Variants in NTF3 observed in about 807,000 individuals in gnomAD.
The protein encoded by NTF3 is neurotrophin-3.
A neutral mutation model predicts 26.3 loss-of-function variants in NTF3; 8 were observed. The observed-to-expected ratio is 0.30, with a 90% confidence interval of 0.18 to 0.55. NTF3 has a LOEUF of 0.55. NTF3 is among the 20% of genes least tolerant of loss of function. The pLI, the probability that NTF3 is intolerant of heterozygous loss-of-function variation, is 0.93. For synonymous variants in NTF3, 154 were observed against 145.5 expected, an observed-to-expected ratio of 1.06 and a Z score of -0.42; for missense variants, 276 against 352.9, an observed-to-expected ratio of 0.78 and a Z score of 1.75.
upstream of NTF3, among the ~76,000 whole-genome samples, chr12:5,431,566 G>T (rs1026080960): frequency 2.0e-5 from 3 of 152,044 alleles, no homozygotes; most frequent in South Asian, 6.2e-4. Context: ...GGAGTGGCGG[G>T]TGGGCTTGGT....
At chr12:5,466,255 G>A (rs762091477) in intron 1 of NTF3, among the ~76,000 whole-genome samples, 3 of 152,136 alleles carry the variant, frequency 2.0e-5, no homozygotes, top group Non-Finnish European at 4.4e-5. Flanking sequence ...TTCCTAAACG[G>A]CTAACCCAAG....
intron 1 of NTF3, among the ~76,000 whole-genome samples, chr12:5,432,592 C>G (rs1940108711): frequency 6.6e-6 from 1 of 151,134 alleles, no homozygotes; most frequent in South Asian, 2.1e-4. Context: ...CACACACACA[C>G]ACACACACAC....
intron 1 of NTF3, among the ~76,000 whole-genome samples, chr12:5,473,571 T>C (rs551650924): frequency 2.0e-5 from 3 of 152,330 alleles, no homozygotes; most frequent in African/African-American, 7.2e-5. Context: ...GCTGATAGTA[T>C]GTTAGAGCTG....
In NTF3 at chr12:5,494,760, C is replaced by T. The variant is rs117869475; in HGVS notation, c.585C>T (p.Gly195=). Residue 195 remains glycine (G), a synonymous_variant, in exon 2 of 2, where the codon GGC becomes GGT. Transcript: ENST00000423158. The surrounding 1 kb of genome is among the most constrained non-coding windows in gnomAD (Gnocchi z 8.3). ...QVTVLGEIKT[G]NSPVKQYFYE... Reference sequence around the variant, plus strand: ...CGGTGCTGGGGGAGATCAAAACGGGCAACTCTCCCGTCAAACAATATTTTT... The same window carrying T: ...CGGTGCTGGGGGAGATCAAAACGGGTAACTCTCCCGTCAAACAATATTTTT... 1.0e-4 allele frequency: 161 copies of T among 1,614,174 alleles called. No homozygotes were observed. In the East Asian group the frequency reaches 3.1e-3, roughly 31 times the overall value.
At chr12:5,463,320 A>C (rs1169472745) in intron 1 of NTF3, among the ~76,000 whole-genome samples, 2 of 152,242 alleles carry the variant, frequency 1.3e-5, no homozygotes, top group Non-Finnish European at 2.9e-5. Flanking sequence ...AACAGTATAA[A>C]CATAATCTCT....
chr12:5,475,514 G>A (rs1230217858), intron 1 of NTF3, among the ~76,000 whole-genome samples: 1 of 152,086 alleles, frequency 6.6e-6, no homozygotes, highest in South Asian at 2.1e-4. Flanking sequence ...TACAGAGGAA[G>A]GAAAACCTTT....
chr12:5,480,364 G>A (rs1052460649), intron 1 of NTF3, among the ~76,000 whole-genome samples: 2 of 152,118 alleles, frequency 1.3e-5, no homozygotes, highest in African/African-American at 4.8e-5. Context: ...GGGGAGCTGG[G>A]TGGGAAAGGA....
Position 5,494,404 on chromosome 12 carries a change from C to T in NTF3, c.229C>T (p.Pro77Ser), listed in dbSNP as rs1940977497. The T allele has an allele frequency of 1.2e-6, 2 of 1,613,636 alleles. No individual in the cohort carries two copies. Among genetic ancestry groups the T allele is most frequent in the Non-Finnish European group, 8.5e-7 (1 of 1,180,012 alleles). Residue 77 changes from proline to serine, a missense_variant, in exon 2 of 2, where the codon CCC becomes TCC. Pro to Ser is a moderately conservative substitution (Grantham distance 74, BLOSUM62 -1). Around this residue, in one of 3 missense-constraint regions of NTF3, gnomAD observed 221 missense variants for 258.2 expected, o/e 0.86. Coordinates refer to ENST00000423158, the MANE Select transcript of NTF3 (RefSeq NM_001102654.2). The surrounding 1 kb of genome is among the most constrained non-coding windows in gnomAD (Gnocchi z 8.3). ...DVKENYQSTL[P>S]KAEAPREPER... ...TAAGGAAAATTACCAGAGCACCCTG[C>T]CCAAAGCTGAGGCTCCCCGAGAGCC...
At position 5,495,167 on chromosome 12, in the gene NTF3, C is replaced by A; in HGVS notation, c.*179C>A. 2 of 665,272 alleles carry A rather than the reference C, an allele frequency of 3.0e-6. No individual in the cohort carries two copies. The highest frequency in any genetic ancestry group is 2.9e-5 in the East Asian group (1 of 34,516). 41.2% of individuals were successfully genotyped at this position (665,272 alleles called of 1,614,324 possible). ...ATCAGTGTGCTTGCCTTCCCTCAGGCCTCTCCCATCTGTTAAAACTTGTTT... is the reference window on the plus strand; with the variant it reads ...ATCAGTGTGCTTGCCTTCCCTCAGGACTCTCCCATCTGTTAAAACTTGTTT... On this transcript the variant is annotated 3_prime_UTR_variant, in exon 2 of 2. Transcript: ENST00000423158.
At chr12:5,479,191 G>C (rs946759228) in intron 1 of NTF3, among the ~76,000 whole-genome samples, 1 of 152,242 alleles carries the variant, frequency 6.6e-6, no homozygotes, top group African/African-American at 2.4e-5. Flanking sequence ...ATTTGCCGGA[G>C]AGAGGAGATA....
Position 5,493,036 on chromosome 12 carries a change from C to T in NTF3, c.19-1158C>T, listed in dbSNP as rs1940958342. Among the ~76,000 whole-genome samples the T allele has an allele frequency of 2.0e-5, 3 of 152,086 alleles. No individual in the cohort carries two copies. The South Asian group carries it at 6.2e-4, about 32-fold the overall frequency. On this transcript the variant is annotated intron_variant, in intron 1 of 1. Coordinates refer to ENST00000423158, the MANE Select transcript of NTF3 (RefSeq NM_001102654.2). ...CCCCTGGGAGCCAGTGAGGTGGCAG[C>T]GATGGTGATTAAGGAGTGAATATCT...
At chr12:5,481,102 G>C (rs1390531708) in intron 1 of NTF3, among the ~76,000 whole-genome samples, 1 of 152,106 alleles carries the variant, frequency 6.6e-6, no homozygotes, top group Non-Finnish European at 1.5e-5. Context: ...GACCCAGAGA[G>C]CGAGAGCCCT....
intron 1 of NTF3, among the ~76,000 whole-genome samples, chr12:5,473,484 T>C (rs1053709273): frequency 6.6e-6 from 1 of 152,238 alleles, no homozygotes; most frequent in Non-Finnish European, 1.5e-5. Flanking sequence ...CCCTGGATGT[T>C]AACTCCTACT....
chr12:5,484,910 C>T (rs1369843297), intron 1 of NTF3, among the ~76,000 whole-genome samples: 1 of 152,204 alleles, frequency 6.6e-6, no homozygotes, highest in Non-Finnish European at 1.5e-5. Context: ...TTTTTATTAA[C>T]AGATCAAAAC....
intron 1 of NTF3, among the ~76,000 whole-genome samples, chr12:5,463,842 C>T (rs901709495): frequency 6.6e-6 from 1 of 152,176 alleles, no homozygotes; most frequent in Non-Finnish European, 1.5e-5. Context: ...AAGCAACTAC[C>T]TCTCTCTGGG....
At chr12:5,475,898 G>GAGAAAGAA (rs144208778) in intron 1 of NTF3, among the ~76,000 whole-genome samples, 4 of 139,062 alleles carry the variant, frequency 2.9e-5, no homozygotes, top group African/African-American at 9.9e-5. Flanking sequence ...GAAAGAAAAA[G>GAGAAAGAA]AGAAAGAAAG....
chr12:5,468,111 A>T (rs1019090846), intron 1 of NTF3, among the ~76,000 whole-genome samples: 2 of 152,140 alleles, frequency 1.3e-5, no homozygotes, highest in Non-Finnish European at 2.9e-5. Flanking sequence ...ACATAATCAC[A>T]GTCTCTTCGA....
At chr12:5,493,849 G>T (rs988525852) in intron 1 of NTF3, among the ~76,000 whole-genome samples, 6 of 152,256 alleles carry the variant, frequency 3.9e-5, no homozygotes, top group South Asian at 2.1e-4. Context: ...CTTTGCCAAG[G>T]TAGAGTGAAC....
chr12:5,452,551 C>T (rs915249468), intron 1 of NTF3, among the ~76,000 whole-genome samples: 4 of 152,194 alleles, frequency 2.6e-5, no homozygotes, highest in African/African-American at 9.7e-5. Flanking sequence ...CATTTGAATA[C>T]ACATATCTGG....
Sources: allele counts gnomAD v4.1 joint callset (sites outside exome capture counted in the v4.1 genomes callset), GRCh38; gene constraint gnomAD v4.1.1; regional missense constraint gnomAD v4.1.1; non-coding constraint Gnocchi (gnomAD v3.1); transcripts MANE v1.5; gene names NCBI Gene and HGNC (gene_info 2026-07-23, HGNC 2026-07-21).